The following CACNA1A variants were observed in gnomAD, a reference collection of about 807,000 sequenced individuals.
The protein encoded by CACNA1A is calcium voltage-gated channel subunit alpha1 A.
Under a neutral mutation model 262.4 loss-of-function variants are expected in CACNA1A, and 57 were observed. That is an observed-to-expected ratio of 0.22 (90% CI 0.18 to 0.27). The LOEUF (loss-of-function observed/expected upper bound fraction) is 0.27. Among genes scored for constraint, CACNA1A ranks in the 10% least tolerant of loss-of-function variants. CACNA1A has a pLI of 1.00. For missense variants in CACNA1A, 2,526 were observed against 3,562.8 expected (o/e 0.71, Z 7.41); for synonymous variants, 1,431 against 1,419.3 (o/e 1.01, Z -0.18).
chr19:13,321,087 G>A (rs1274488613), intron 10 of CACNA1A, among the ~76,000 whole-genome samples: 4 of 148,054 alleles, frequency 2.7e-5, no homozygotes. Flanking sequence ...GGGCTGGAGT[G>A]CAGTGGCACG....
At chr19:13,339,204 G>A (rs1236116972) in intron 6 of CACNA1A, among the ~76,000 whole-genome samples, 2 of 152,050 alleles carry the variant, frequency 1.3e-5, no homozygotes, top group Non-Finnish European at 2.9e-5. Flanking sequence ...TAAAAAGAAA[G>A]AAAATGCTGA....
intron 3 of CACNA1A, among the ~76,000 whole-genome samples, chr19:13,397,596 G>A (rs528130369): frequency 6.6e-6 from 1 of 152,192 alleles, no homozygotes; most frequent in African/African-American, 2.4e-5. Flanking sequence ...GCAAGTGGGC[G>A]CCGCCATGTA....
chr19:13,280,186 T>C (rs1235500778), intron 22 of CACNA1A, among the ~76,000 whole-genome samples: 1 of 147,504 alleles, frequency 6.8e-6, no homozygotes, highest in Non-Finnish European at 1.5e-5. Flanking sequence ...GAGGAATTCT[T>C]ATTTATTGAG....
At chr19:13,360,678 A>G (rs1406587968) in intron 5 of CACNA1A, among the ~76,000 whole-genome samples, 1 of 151,994 alleles carries the variant, frequency 6.6e-6, no homozygotes, top group Non-Finnish European at 1.5e-5. Context: ...GGGTTTCACC[A>G]TGTTGGCCAG....
At chr19:13,291,188 T>C (rs2057528496) in intron 19 of CACNA1A, among the ~76,000 whole-genome samples, 1 of 152,160 alleles carries the variant, frequency 6.6e-6, no homozygotes. Context: ...CGTGGCGTTC[T>C]TGTGCCAGCT....
At chr19:13,474,776 C>T (rs1978331619) in intron 1 of CACNA1A, among the ~76,000 whole-genome samples, 1 of 151,036 alleles carries the variant, frequency 6.6e-6, no homozygotes, top group Admixed American at 6.6e-5. Flanking sequence ...AACATCACAC[C>T]ACTGCACTCC....
intron 1 of CACNA1A, among the ~76,000 whole-genome samples, chr19:13,462,070 A>T (rs1293699280): frequency 6.6e-6 from 1 of 152,230 alleles, no homozygotes; most frequent in African/African-American, 2.4e-5. Flanking sequence ...CTTGCTCTTC[A>T]GATTCAGAAC....
chr19:13,322,839 T>C (rs2058283005), intron 10 of CACNA1A, among the ~76,000 whole-genome samples: 1 of 152,186 alleles, frequency 6.6e-6, no homozygotes, highest in African/African-American at 2.4e-5. Flanking sequence ...CAGCAGTCAT[T>C]GGATTTAGGA....
rs373532283 is a variant in CACNA1A at position 13,214,625 on chromosome 19, G to C, written c.5732-17C>G. 3 of 1,589,400 alleles carry C rather than the reference G, an allele frequency of 1.9e-6. No homozygotes were observed. In the African/African-American group the frequency reaches 4.0e-5, roughly 21 times the overall value. On this transcript the variant is annotated splice_polypyrimidine_tract_variant and intron_variant, in intron 38 of 46. Coordinates refer to ENST00000360228, the MANE Select transcript of CACNA1A (RefSeq NM_001127222.2). The surrounding 1 kb of genome is among the most constrained non-coding windows in gnomAD (Gnocchi z 4.1). The stretch of plus-strand genomic sequence containing the variant: ...CGGCTCCTCCTGCAATGGGGGTGTA[G>C]ACAGACCCTGACTGCCTGCCTGGGT...
chr19:13,336,600 A>AGGGG (rs2058576145), intron 6 of CACNA1A, among the ~76,000 whole-genome samples: 1 of 110,864 alleles, frequency 9.0e-6, no homozygotes, highest in Non-Finnish European at 1.8e-5. Context: ...AGAGGGAGAG[A>AGGGG]GAGAGAGAGA....
chr19:13,446,533 C>T (rs1211081504), intron 3 of CACNA1A, among the ~76,000 whole-genome samples: 1 of 149,294 alleles, frequency 6.7e-6, no homozygotes, highest in Non-Finnish European at 1.5e-5. Context: ...CCTCTGCCTC[C>T]TGGATTCAAG....
At chr19:13,435,281 T>G (rs1463563639) in intron 3 of CACNA1A, among the ~76,000 whole-genome samples, 1 of 138,190 alleles carries the variant, frequency 7.2e-6, no homozygotes. Flanking sequence ...GCCTGGCTAA[T>G]TTTTTTTTTT....
chr19:13,457,834 CAAAAGCAAAACTCCGTTTCAAAAAA>C (rs1568664871), intron 1 of CACNA1A, among the ~76,000 whole-genome samples: 1 of 64,684 alleles, frequency 1.5e-5, no homozygotes, highest in African/African-American at 5.7e-5. Flanking sequence ...GCCTGGGCAA[CAAAAGCAAAACTCCGTTTCAAAAAA>C]AAAAAAAAAA....
In CACNA1A at chr19:13,262,785, G is replaced by A; in HGVS notation, c.4038C>T (p.Val1346=). The A allele has an allele frequency of 1.2e-6, 2 of 1,613,682 alleles. No homozygotes were observed. Among genetic ancestry groups the A allele is most frequent in the Non-Finnish European group, 1.7e-6 (2 of 1,179,686 alleles). The part of the protein sequence containing the change: ...KDINTIKSLR[V]LRVLRPLKTI... ...TTTTAAGAGGTCGTAGCACCCGGAG[G>A]ACTCGGAGGGATTTAATCGTGTTGA... The change falls in exon 25 of 47, where the codon GTC becomes GTT. Residue 1346 remains valine (V), a synonymous_variant. Transcript: ENST00000360228.
chr19:13,216,749 C>T (rs1474838525), intron 38 of CACNA1A, among the ~76,000 whole-genome samples: 1 of 152,076 alleles, frequency 6.6e-6, no homozygotes. Context: ...GGCTGTGGCA[C>T]AATCTTTGTT....
intron 3 of CACNA1A, among the ~76,000 whole-genome samples, chr19:13,442,882 T>G (rs2060749478): frequency 6.6e-6 from 1 of 152,206 alleles, no homozygotes; most frequent in Non-Finnish European, 1.5e-5. Flanking sequence ...TTCTCAAGTT[T>G]ATTTTCCTTG....
chr19:13,461,714 G>C lies in CACNA1A; in HGVS notation c.294-6502C>G, dbSNP rs558592372. ...CTAACTCACAGCTGCGGTGAGCAATGCCTCTGTTAGCTGAGCTGAGCCTTT... is the reference window on the plus strand; with the variant it reads ...CTAACTCACAGCTGCGGTGAGCAATCCCTCTGTTAGCTGAGCTGAGCCTTT... On this transcript the variant is annotated intron_variant, in intron 1 of 46. Coordinates refer to ENST00000360228, the MANE Select transcript of CACNA1A (RefSeq NM_001127222.2). Among the ~76,000 whole-genome samples the C allele has an allele frequency of 3.9e-5, 6 of 152,298 alleles. No individual in the cohort carries two copies. In the South Asian group the frequency reaches 1.0e-3, roughly 26 times the overall value.
intron 3 of CACNA1A, among the ~76,000 whole-genome samples, chr19:13,431,643 T>C (rs1047575494): frequency 7.2e-5 from 11 of 152,030 alleles, no homozygotes; most frequent in African/African-American, 2.7e-4. Context: ...AGTAAAGGAA[T>C]GGATGAAGAA....
intron 6 of CACNA1A, among the ~76,000 whole-genome samples, 183 bp from the exon 7 acceptor site, chr19:13,336,092 C>A (rs2058560880): frequency 6.6e-6 from 1 of 152,062 alleles, no homozygotes; most frequent in Admixed American, 6.6e-5. Context: ...AAGAAAACAT[C>A]CAAAGGGTAA....
Sources: gnomAD v4.1 joint callset for allele counts (sites outside exome capture counted in the v4.1 genomes callset) on GRCh38, gnomAD v4.1.1 for gene constraint, Gnocchi (gnomAD v3.1) non-coding constraint, MANE v1.5 for transcripts, NCBI Gene and HGNC (gene_info 2026-07-23, HGNC 2026-07-21) for gene names.